The following FUBP3 variants were observed in gnomAD, a reference collection of about 807,000 sequenced individuals.
FUBP3 encodes the protein far upstream element-binding protein 3.
Under a neutral mutation model 85.6 loss-of-function variants are expected in FUBP3, and 28 were observed. That is an observed-to-expected ratio of 0.33 (90% confidence interval 0.24 to 0.45). FUBP3 has a LOEUF of 0.45. FUBP3 is among the 20% of genes least tolerant of loss of function. The pLI is 1.00. For missense variants in FUBP3, 583 were observed against 755.1 expected (o/e 0.77, Z 2.67); for synonymous variants, 271 against 271.4 (o/e 1.00, Z 0.01).
Position 130,620,329 on chromosome 9 carries a change from A to G in FUBP3, c.667-25A>G, listed in dbSNP as rs1249660952. On this transcript the variant is annotated intron_variant, in intron 8 of 18. Coordinates refer to ENST00000319725, the MANE Select transcript of FUBP3 (RefSeq NM_003934.2). ...CTTTTTTCAGGAATTTTTTCTCATA[A>G]TGCTTTTTGTTTGTGTTTATGCAGC... 4 of 1,369,536 alleles carry G rather than the reference A, an allele frequency of 2.9e-6. No individual in the cohort carries two copies. In the East Asian group the frequency reaches 9.5e-5, roughly 32 times the overall value. 84.8% of individuals were successfully genotyped at this position (1,369,536 alleles called of 1,614,324 possible). A position where few individuals can be genotyped will look rare whatever the true frequency, so the allele number is the denominator to read the frequency against.
chr9:130,609,865 C>A (rs1831650750), intron 2 of FUBP3, 89 bp from the exon 3 acceptor site: 1 of 1,005,828 alleles, frequency 9.9e-7, no homozygotes, highest in Non-Finnish European at 1.6e-6. Context: ...TCTTTTCCAC[C>A]CCACCCGAAA....
chr9:130,633,495 C>T (rs926627440), intron 16 of FUBP3, among the ~76,000 whole-genome samples: 5 of 152,198 alleles, frequency 3.3e-5, no homozygotes, highest in African/African-American at 9.6e-5. Context: ...GGCCCCCTGG[C>T]GGGTGGAACG....
intron 1 of FUBP3, among the ~76,000 whole-genome samples, chr9:130,584,587 G>A (rs1830266016): frequency 1.3e-5 from 2 of 151,904 alleles, no homozygotes; most frequent in South Asian, 4.2e-4. Context: ...CAAGATTTCG[G>A]GCTGGGCATG....
chr9:130,637,862 A>G lies in FUBP3; in HGVS notation c.*840A>G, dbSNP rs935777170. ...TAACTTTTAACACACACTGTGGAAC[A>G]TTAAACCGTATAAAAATGTAGTTAT... On this transcript the variant is annotated 3_prime_UTR_variant, in exon 19 of 19. Transcript: ENST00000319725. 6 of 152,662 alleles carry G rather than the reference A, an allele frequency of 3.9e-5. No individual in the cohort carries two copies. Among genetic ancestry groups the G allele is most frequent in the African/African-American group, 1.4e-4 (6 of 41,472 alleles). 9.5% of individuals were successfully genotyped at this position (152,662 alleles called of 1,614,324 possible).
intron 8 of FUBP3, among the ~76,000 whole-genome samples, chr9:130,618,904 T>C (rs1239435970): frequency 6.6e-6 from 1 of 152,252 alleles, no homozygotes; most frequent in Non-Finnish European, 1.5e-5. Context: ...GGTATGGTTC[T>C]GCCTGGGGAC....
At chr9:130,596,762 GTATTT>G (rs1830893588) in intron 2 of FUBP3, 2 of 307,582 alleles carry the variant, frequency 6.5e-6, no homozygotes, top group South Asian at 2.6e-5. Flanking sequence ...AAGAGTTGAA[GTATTT>G]TATTTTATTT....
intron 11 of FUBP3, among the ~76,000 whole-genome samples, chr9:130,625,759 C>T (rs1345664314): frequency 6.6e-6 from 1 of 152,184 alleles, no homozygotes; most frequent in Non-Finnish European, 1.5e-5. Context: ...TGGCAGGTTC[C>T]CTCTGTTCCT....
chr9:130,633,500 G>A (rs1056675044), intron 16 of FUBP3, among the ~76,000 whole-genome samples: 15 of 152,246 alleles, frequency 9.9e-5, no homozygotes, highest in Non-Finnish European at 1.9e-4. Flanking sequence ...CCTGGCGGGT[G>A]GAACGGGCAG....
Position 130,612,970 on chromosome 9 carries a change from G to C in FUBP3, c.289G>C (p.Gly97Arg). Residue 97 changes from glycine to arginine, a missense_variant, in exon 5 of 19, where the codon GGT becomes CGT. Physicochemically the swap from Gly to Arg is moderately radical, Grantham distance 125. Around this residue, in one of 3 missense-constraint regions of FUBP3, gnomAD observed 177 missense variants for 221.9 expected, o/e 0.80. Coordinates refer to ENST00000319725, the MANE Select transcript of FUBP3 (RefSeq NM_003934.2). The surrounding 1 kb of genome is among the most constrained non-coding windows in gnomAD (Gnocchi z 4.1). ...KMVGFIIGRG[G>R]EQISRIQAES... ...ATTTGTTTCAGTTATCGGCAGGGGA[G>C]GTGAGCAGATTTCACGGATTCAAGC... The C allele has an allele frequency of 6.2e-7, 1 of 1,612,068 alleles. No individual in the cohort carries two copies. Among genetic ancestry groups the C allele is most frequent in the Non-Finnish European group, 8.5e-7 (1 of 1,178,122 alleles).
chr9:130,586,156 A>C (rs910590348), intron 1 of FUBP3, among the ~76,000 whole-genome samples: 2 of 152,004 alleles, frequency 1.3e-5, no homozygotes, highest in African/African-American at 4.8e-5. Context: ...CTCCCAGCCT[A>C]CATTTTTATT....
chr9:130,630,198 C>T (rs1830155645), intron 12 of FUBP3, among the ~76,000 whole-genome samples: 1 of 152,222 alleles, frequency 6.6e-6, no homozygotes, highest in Non-Finnish European at 1.5e-5. Context: ...CTGAAGGCCC[C>T]ATTGTCATGG....
chr9:130,631,151 C>T, intron 13 of FUBP3: 14 of 1,149,650 alleles, frequency 1.2e-5, no homozygotes, highest in Non-Finnish European at 1.5e-5. Context: ...TTCATTGACT[C>T]TGGCTTTAGT....
At chr9:130,622,671 GA>G in intron 9 of FUBP3, 36 bp from the exon 10 acceptor site, 1 of 1,019,292 alleles carries the variant, frequency 9.8e-7, no homozygotes, top group Non-Finnish European at 1.5e-6. Context: ...ACAGGTTTGT[GA>G]AAAGTTCTGA....
chr9:130,617,946 C>G lies in FUBP3; in HGVS notation c.666+51C>G, dbSNP rs374506987. On this transcript the variant is annotated intron_variant, in intron 8 of 18. Coordinates refer to ENST00000319725, the MANE Select transcript of FUBP3 (RefSeq NM_003934.2). ...AGTCCTGGCTGTTGGGGCTATCACT[C>G]GGTGGTACCCTAGAGCTTTTATCTT... is the stretch of plus-strand genomic sequence containing the variant. 6.2e-6 allele frequency: 5 copies of G among 811,956 alleles called. No homozygotes were observed. In the Admixed American group the frequency reaches 6.6e-5, roughly 11 times the overall value. The allele number at this position is 811,956 out of a possible 1,614,324, so 50.3% of individuals were successfully genotyped here.
Position 130,580,691 on chromosome 9 carries a change from T to C in FUBP3, c.84+927T>C, listed in dbSNP as rs1344838728. The C allele has an allele frequency of 3.9e-5, 6 of 152,262 alleles. No homozygotes were observed. In the East Asian group the frequency reaches 1.2e-3, roughly 29 times the overall value. The allele number at this position is 152,262 out of a possible 1,614,324, so 9.4% of individuals were successfully genotyped here. On this transcript the variant is annotated intron_variant, in intron 1 of 18. Coordinates refer to ENST00000319725, the MANE Select transcript of FUBP3 (RefSeq NM_003934.2). ...CAGGAGTCATTGTATTAGAAGAAGG[T>C]CTTCACTCGGGCGCTTGAAGATATG... is the stretch of plus-strand genomic sequence containing the variant.
chr9:130,583,490 T>A (rs1444800964), intron 1 of FUBP3, among the ~76,000 whole-genome samples: 1 of 152,232 alleles, frequency 6.6e-6, no homozygotes, highest in Non-Finnish European at 1.5e-5. Flanking sequence ...CTCAGTCAAG[T>A]GTGCTGAACA....
In FUBP3 at chr9:130,634,679, A is replaced by G. The variant is rs1240372207; in HGVS notation, c.1523A>G (p.Gln508Arg). The change falls in exon 17 of 19, where the codon CAG becomes CGG. Residue 508 changes from glutamine to arginine, a missense_variant. This residue lies in a region of FUBP3 where 404 missense variants were observed against 516.8 expected (regional missense o/e 0.78). Coordinates refer to ENST00000319725, the MANE Select transcript of FUBP3 (RefSeq NM_003934.2). Reference sequence around the variant, plus strand: ...GTTCTTCGCACAGGCCAGCAGAGCCAGCCGCAGAGCAGCCAGCCCAACTAC... The same window carrying G: ...GTTCTTCGCACAGGCCAGCAGAGCCGGCCGCAGAGCAGCCAGCCCAACTAC... ...PTQQVPSQQSQPQSSQPNYSK... is the reference protein window; with the variant it reads ...PTQQVPSQQSRPQSSQPNYSK... 2 of 1,613,596 alleles carry G rather than the reference A, an allele frequency of 1.2e-6. No homozygotes were observed. The highest frequency in any genetic ancestry group is 2.2e-5 in the East Asian group (1 of 44,880).
Position 130,634,356 on chromosome 9 carries a change from T to C in FUBP3, c.1511-311T>C, listed in dbSNP as rs117506833. Among the ~76,000 whole-genome samples, 479 of 152,352 alleles carry C rather than the reference T, an allele frequency of 3.1e-3. 3 individuals carry two copies. The highest frequency in any genetic ancestry group is 5.7e-3 in the Non-Finnish European group (386 of 68,036). On this transcript the variant is annotated intron_variant, in intron 16 of 18. Transcript: ENST00000319725. ...TGGTCAGCAGCCTCTGGAGTCTTTG[T>C]CCTTTGGAAGGCTGATTGGGGAGCC...
At chr9:130,593,504 C>G (rs1242061737) in intron 1 of FUBP3, among the ~76,000 whole-genome samples, 1 of 152,186 alleles carries the variant, frequency 6.6e-6, no homozygotes, top group Non-Finnish European at 1.5e-5. Flanking sequence ...TATGGTATTA[C>G]CCTGGGGCAT....
Sources: gnomAD v4.1 joint callset for allele counts (sites outside exome capture counted in the v4.1 genomes callset) on GRCh38, gnomAD v4.1.1 for gene constraint, gnomAD v4.1.1 regional missense constraint, Gnocchi (gnomAD v3.1) non-coding constraint, MANE v1.5 for transcripts, NCBI Gene and HGNC (gene_info 2026-07-23, HGNC 2026-07-21) for gene names.